The following CHN2 variants were observed in gnomAD, a reference collection of about 807,000 sequenced individuals.
CHN2 encodes the protein chimerin 2, also known as beta-chimaerin.
A neutral mutation model predicts 56.3 loss-of-function variants in CHN2; 35 were observed. The ratio of observed to expected loss-of-function variants is 0.62; its 90% CI spans 0.47 to 0.82. The LOEUF (loss-of-function observed/expected upper bound fraction) is 0.82. Ranked by LOEUF, CHN2 falls within the 40% of genes least tolerant of loss-of-function variation. The probability of loss-of-function intolerance (pLI) is 0.00; values close to 1 mark genes in which losing one functional copy is unlikely to be tolerated. For missense variants in CHN2, 491 were observed against 580.5 expected (o/e 0.85, Z 1.58); for synonymous variants, 210 against 212.8 (o/e 0.99, Z 0.12).
Position 29,463,000 on chromosome 7 carries a change from A to G in CHN2, c.577-17279A>G, listed in dbSNP as rs187377936. 1.1e-4 allele frequency among the ~76,000 whole-genome samples: 16 copies of G among 146,506 alleles called. No homozygotes were observed. The East Asian group carries it at 3.3e-3, about 31-fold the overall frequency. On this transcript the variant is annotated intron_variant, in intron 6 of 12. Coordinates refer to ENST00000222792, the MANE Select transcript of CHN2 (RefSeq NM_004067.4). ...GACCTACCTCCCCACTCCACCTTGA[A>G]CAGAGGAATGTAAAAGAGTTTTACA... is the stretch of plus-strand genomic sequence containing the variant.
At chr7:29,321,633 C>G (rs1249892057) in intron 1 of CHN2, among the ~76,000 whole-genome samples, 8 of 147,104 alleles carry the variant, frequency 5.4e-5, no homozygotes, top group Non-Finnish European at 1.2e-4. Context: ...TGCAATGGCA[C>G]AATCTCGGCT....
chr7:29,417,409 C>T (rs1047955574), intron 6 of CHN2, among the ~76,000 whole-genome samples: 2 of 149,522 alleles, frequency 1.3e-5, no homozygotes, highest in Non-Finnish European at 3.0e-5. Flanking sequence ...GATCTCCGCT[C>T]ACTGCAAGCT....
intron 5 of CHN2, among the ~76,000 whole-genome samples, chr7:29,400,025 G>A (rs12669481): frequency 0.42 from 63,249 of 151,896 alleles, 15,293 homozygotes; most frequent in East Asian, 0.57. Flanking sequence ...CAACTAGGGC[G>A]GAAGGCATGG....
At chr7:29,374,041 C>A (rs1799829875) in intron 3 of CHN2, among the ~76,000 whole-genome samples, 1 of 152,236 alleles carries the variant, frequency 6.6e-6, no homozygotes, top group Non-Finnish European at 1.5e-5. Context: ...AAATCAATCT[C>A]ATTACCTTTT....
chr7:29,299,124 G>A (rs1198359580), intron 1 of CHN2, among the ~76,000 whole-genome samples: 1 of 152,162 alleles, frequency 6.6e-6, no homozygotes, highest in African/African-American at 2.4e-5. Context: ...GTTCCACCCT[G>A]GAACAGAAGA....
chr7:29,317,560 G>C (rs1025222894), intron 1 of CHN2, among the ~76,000 whole-genome samples: 1 of 152,134 alleles, frequency 6.6e-6, no homozygotes, highest in Non-Finnish European at 1.5e-5. Flanking sequence ...CATGCATATC[G>C]AAGTTTCAGA....
At chr7:29,349,960 G>A (rs967277602) in intron 1 of CHN2, among the ~76,000 whole-genome samples, 9 of 152,182 alleles carry the variant, frequency 5.9e-5, no homozygotes, top group Middle Eastern at 3.4e-3. Context: ...TATGCAATGC[G>A]TGTGTGTGCA....
intron 1 of CHN2, among the ~76,000 whole-genome samples, chr7:29,219,727 A>G (rs1343671303): frequency 6.6e-6 from 1 of 152,238 alleles, no homozygotes; most frequent in Non-Finnish European, 1.5e-5. Context: ...TATCAGGCAA[A>G]GTAGACTTTA....
intron 6 of CHN2, among the ~76,000 whole-genome samples, chr7:29,477,852 C>T (rs1356219956): frequency 1.3e-5 from 2 of 152,250 alleles, no homozygotes; most frequent in Non-Finnish European, 2.9e-5. Flanking sequence ...CACCTTCTTC[C>T]ACAACCCTGG....
intron 2 of CHN2, among the ~76,000 whole-genome samples, chr7:29,358,545 C>T (rs892337491): frequency 1.3e-5 from 2 of 152,142 alleles, no homozygotes; most frequent in African/African-American, 4.8e-5. Flanking sequence ...TCACTGCAAG[C>T]CCCGCCTCCC....
intron 1 of CHN2, among the ~76,000 whole-genome samples, chr7:29,252,524 T>A (rs2128820413): frequency 1.3e-5 from 2 of 149,798 alleles, no homozygotes; most frequent in South Asian, 4.3e-4. Context: ...CTGTAAGTAC[T>A]TGGTACATGC....
chr7:29,241,565 C>T (rs767252272), intron 1 of CHN2, among the ~76,000 whole-genome samples: 20 of 152,050 alleles, frequency 1.3e-4, no homozygotes, highest in Non-Finnish European at 2.4e-4. Flanking sequence ...AAGGAGCCTA[C>T]CAGGCAGACC....
chr7:29,230,038 A>G (rs1273328125), intron 1 of CHN2, among the ~76,000 whole-genome samples: 1 of 152,180 alleles, frequency 6.6e-6, no homozygotes, highest in Non-Finnish European at 1.5e-5. Flanking sequence ...CCATTTGTTT[A>G]GGTATTGTCG....
At chr7:29,312,607 C>A (rs1234639801) in intron 1 of CHN2, among the ~76,000 whole-genome samples, 1 of 152,058 alleles carries the variant, frequency 6.6e-6, no homozygotes, top group Non-Finnish European at 1.5e-5. Context: ...GTCTAAGTGA[C>A]CTAAATAATA....
intron 1 of CHN2, chr7:29,195,378 G>T: frequency 4.4e-6 from 1 of 225,908 alleles, no homozygotes; most frequent in Admixed American, 6.0e-5. Context: ...TGCCGCGCCC[G>T]CTACCCTGGA....
At chr7:29,443,498 G>C (rs1426329663) in intron 6 of CHN2, among the ~76,000 whole-genome samples, 1 of 152,144 alleles carries the variant, frequency 6.6e-6, no homozygotes, top group African/African-American at 2.4e-5. Flanking sequence ...CTGTCATTAA[G>C]CAATACATGA....
Position 29,147,040 on chromosome 7 carries a change from G to A in CHN2, c.274+80G>A, listed in dbSNP as rs2128682531. 3 of 1,533,550 alleles carry A rather than the reference G, an allele frequency of 2.0e-6. No homozygotes were observed. In the East Asian group the frequency reaches 7.4e-5, roughly 38 times the overall value. 95.0% of individuals were successfully genotyped at this position (1,533,550 alleles called of 1,614,324 possible). On this transcript the variant is annotated intron_variant, in intron 2 of 6. Coordinates refer to the CHN2 transcript ENST00000439384. ...CTGGAGTCTCAGAGCCACCTGATGT[G>A]TTCTGTACCATTATACCCATTTTGC... is the stretch of plus-strand genomic sequence containing the variant.
intron 6 of CHN2, among the ~76,000 whole-genome samples, chr7:29,445,565 G>A (rs944540076): frequency 4.6e-5 from 7 of 152,166 alleles, no homozygotes; most frequent in East Asian, 3.9e-4. Flanking sequence ...TGTGAGAGCC[G>A]TCAGTAAAAC....
chr7:29,493,660 C>T (rs927897777), intron 7 of CHN2, among the ~76,000 whole-genome samples: 12 of 152,130 alleles, frequency 7.9e-5, no homozygotes, highest in Admixed American at 2.0e-4. Flanking sequence ...ATTCTTGACT[C>T]CTGTCTCCCT....
Sources: gnomAD v4.1 joint callset for allele counts (sites outside exome capture counted in the v4.1 genomes callset) on GRCh38, gnomAD v4.1.1 for gene constraint, MANE v1.5 for transcripts, NCBI Gene and HGNC (gene_info 2026-07-23, HGNC 2026-07-21) for gene names.